Variants in NCKAP5 observed in about 807,000 individuals in gnomAD.
NCKAP5 encodes NCK associated protein 5.
In NCKAP5, 92 loss-of-function variants were observed where a neutral mutation model predicts 167.0. That is an observed-to-expected ratio of 0.55 (90% CI 0.47 to 0.66). The LOEUF is 0.66. NCKAP5 is among the 30% of genes least tolerant of loss of function. The probability of loss-of-function intolerance (pLI) is 0.00; values close to 1 mark genes in which losing one functional copy is unlikely to be tolerated. For missense variants in NCKAP5, 2,378 were observed against 2,315.0 expected (o/e 1.03, Z -0.56); for synonymous variants, 891 against 877.4 (o/e 1.02, Z -0.27).
intron 19 of NCKAP5, among the ~76,000 whole-genome samples, chr2:132,720,554 G>A (rs895413880): frequency 5.3e-5 from 8 of 152,208 alleles, no homozygotes; most frequent in African/African-American, 1.9e-4. Flanking sequence ...TGGGTTCCAA[G>A]TCATGCTGTG....
At chr2:132,706,182 C>T (rs1688344742) in intron 19 of NCKAP5, among the ~76,000 whole-genome samples, 1 of 152,124 alleles carries the variant, frequency 6.6e-6, no homozygotes, top group Non-Finnish European at 1.5e-5. Flanking sequence ...CCCTCTCTGT[C>T]CTTTCCTCTG....
chr2:133,137,897 C>T (rs1419164839), intron 5 of NCKAP5, among the ~76,000 whole-genome samples: 1 of 152,202 alleles, frequency 6.6e-6, no homozygotes, highest in Non-Finnish European at 1.5e-5. Context: ...GCAGGAGAGC[C>T]TTTATTCCTG....
At chr2:132,907,607 A>T (rs113699869) in intron 8 of NCKAP5, among the ~76,000 whole-genome samples, 48,339 of 151,976 alleles carry the variant, frequency 0.32, 9,596 homozygotes, top group African/African-American at 0.52. Context: ...CTTACCACTC[A>T]AAGACACGTT....
intron 3 of NCKAP5, among the ~76,000 whole-genome samples, chr2:133,470,278 T>C (rs574446175): frequency 0.02 from 3,044 of 151,582 alleles, 119 homozygotes; most frequent in African/African-American, 0.07. Context: ...CCGTGTGAGG[T>C]GTCAGTGTGC....
intron 8 of NCKAP5, chr2:132,926,270 G>A (rs760815649): frequency 1.8e-4 from 42 of 232,350 alleles, no homozygotes; most frequent in Middle Eastern, 4.5e-4. Context: ...TATATACCAC[G>A]TTTTCTTTAT....
At chr2:133,520,132 G>A (rs745384699) in intron 2 of NCKAP5, among the ~76,000 whole-genome samples, 15 of 152,202 alleles carry the variant, frequency 9.9e-5, no homozygotes, top group East Asian at 3.9e-4. Flanking sequence ...CGGAGGTTGC[G>A]GTGAGCCAAG....
chr2:133,102,744 AACACACACAC>A (rs3051212), intron 6 of NCKAP5, among the ~76,000 whole-genome samples: 3,109 of 135,200 alleles, frequency 0.023, 111 homozygotes, highest in African/African-American at 0.078. Context: ...CAAGCATGTA[AACACACACAC>A]ACACACACAC....
intron 4 of NCKAP5, among the ~76,000 whole-genome samples, chr2:133,298,544 T>C (rs967437548): frequency 2.0e-5 from 3 of 152,146 alleles, no homozygotes; most frequent in African/African-American, 4.8e-5. Flanking sequence ...CTCAAGAAAG[T>C]AAGAAAAATA....
At chr2:132,974,662 C>T (rs753785336) in intron 7 of NCKAP5, among the ~76,000 whole-genome samples, 2 of 152,202 alleles carry the variant, frequency 1.3e-5, no homozygotes, top group African/African-American at 4.8e-5. Flanking sequence ...CTATCCCTAA[C>T]GGTAGTAATT....
intron 12 of NCKAP5, among the ~76,000 whole-genome samples, chr2:132,793,873 C>T (rs573652237): frequency 1.1e-4 from 16 of 152,228 alleles, no homozygotes; most frequent in African/African-American, 3.4e-4. Context: ...ATAAGGGATG[C>T]GGAATCCCTG....
intron 2 of NCKAP5, among the ~76,000 whole-genome samples, chr2:133,528,887 A>T (rs1296198098): frequency 6.6e-6 from 1 of 152,132 alleles, no homozygotes; most frequent in East Asian, 1.9e-4. Context: ...AATGGGTCAC[A>T]TTGTCTTTCG....
At chr2:133,597,257 G>A in the NCKAP5 span, among the ~76,000 whole-genome samples, 1 of 152,108 alleles carries the variant, frequency 6.6e-6, no homozygotes, top group Admixed American at 6.5e-5. Context: ...CATCTGCGAA[G>A]GCTGGACCCC....
At chr2:133,422,917 G>C (rs1689573868) in intron 3 of NCKAP5, among the ~76,000 whole-genome samples, 1 of 152,008 alleles carries the variant, frequency 6.6e-6, no homozygotes. Flanking sequence ...AGAGAACAAA[G>C]ACCCCCATTT....
At chr2:133,532,044 C>A (rs745344758) in intron 2 of NCKAP5, among the ~76,000 whole-genome samples, 1 of 152,120 alleles carries the variant, frequency 6.6e-6, no homozygotes, top group Non-Finnish European at 1.5e-5. Context: ...AAACCTAGAA[C>A]GATATACAGC....
At chr2:133,162,514 T>C (rs762147305) in intron 5 of NCKAP5, among the ~76,000 whole-genome samples, 1 of 152,190 alleles carries the variant, frequency 6.6e-6, no homozygotes, top group Non-Finnish European at 1.5e-5. Flanking sequence ...CCTGTAAATA[T>C]AGAGTGTTAC....
chr2:133,397,449 A>AT (rs1331789877), intron 3 of NCKAP5, among the ~76,000 whole-genome samples: 2 of 152,194 alleles, frequency 1.3e-5, no homozygotes, highest in Non-Finnish European at 2.9e-5. Context: ...TCTCTATGTA[A>AT]TTCATTGATA....
chr2:133,064,903 C>A (rs2080136224), intron 6 of NCKAP5, among the ~76,000 whole-genome samples: 1 of 152,162 alleles, frequency 6.6e-6, no homozygotes, highest in Non-Finnish European at 1.5e-5. Flanking sequence ...ATGGACTACT[C>A]CATCTGAGAT....
chr2:132,969,185 G>A (rs1234094553), intron 7 of NCKAP5, among the ~76,000 whole-genome samples: 4 of 152,016 alleles, frequency 2.6e-5, no homozygotes, highest in African/African-American at 9.7e-5. Context: ...TTACAGGCAG[G>A]TGCCACCACA....
chr2:133,104,511 C>A (rs149357314), intron 6 of NCKAP5, among the ~76,000 whole-genome samples: 6 of 152,348 alleles, frequency 3.9e-5, no homozygotes, highest in Non-Finnish European at 8.8e-5. Context: ...ATGGAAATGA[C>A]ATTGGCATCA....
Sources: allele counts gnomAD v4.1 joint callset (sites outside exome capture counted in the v4.1 genomes callset), GRCh38; gene constraint gnomAD v4.1.1; transcripts MANE v1.5; gene names NCBI Gene and HGNC (gene_info 2026-07-23, HGNC 2026-07-21).